The following MEGF11 variants were observed in gnomAD, a reference collection of about 807,000 sequenced individuals.
The protein encoded by MEGF11 is multiple EGF like domains 11, also known as multiple epidermal growth factor-like domains protein 11.
MEGF11 carries 126 observed loss-of-function variants against 146.6 expected under a neutral mutation model. The ratio of observed to expected loss-of-function variants is 0.86; its 90% CI spans 0.74 to 1.00. The LOEUF (loss-of-function observed/expected upper bound fraction) is 1.00. Ranked by LOEUF, MEGF11 falls within the 50% of genes least tolerant of loss-of-function variation. MEGF11 has a pLI of 0.00. For missense variants in MEGF11, 1,509 were observed against 1,521.2 expected, an observed-to-expected ratio of 0.99 and a Z score of 0.13; for synonymous variants, 532 against 583.4, an observed-to-expected ratio of 0.91 and a Z score of 1.27.
At position 65,934,355 on chromosome 15, in the gene MEGF11, G is replaced by A. The variant is rs531289259; in HGVS notation, c.1288-3412C>T. Among the ~76,000 whole-genome samples the A allele has an allele frequency of 3.3e-5, 5 of 152,266 alleles. No individual in the cohort carries two copies. In the South Asian group the frequency reaches 8.3e-4, roughly 25 times the overall value. On this transcript the variant is annotated intron_variant, in intron 10 of 25. Transcript: ENST00000395614. ...CAACCTCCACCTCCCGGGTTCAAGC[G>A]ATTCTCCTGCCTCAGCCTCCTGGTA...
intron 5 of MEGF11, among the ~76,000 whole-genome samples, chr15:66,060,170 GA>G (rs1287872405): frequency 6.6e-6 from 1 of 151,988 alleles, no homozygotes; most frequent in Non-Finnish European, 1.5e-5. Context: ...GAGTGGGGTT[GA>G]CGGCTAAGGA....
chr15:66,239,591 C>T (rs1567295422), intron 1 of MEGF11, among the ~76,000 whole-genome samples: 1 of 152,362 alleles, frequency 6.6e-6, no homozygotes, highest in East Asian at 1.9e-4. Flanking sequence ...TAGGCCACCA[C>T]TACCAGTGGT....
chr15:66,067,058 A>G (rs2140445618), intron 5 of MEGF11, among the ~76,000 whole-genome samples: 1 of 152,324 alleles, frequency 6.6e-6, no homozygotes, highest in African/African-American at 2.4e-5. Context: ...GATCATATTC[A>G]TCCCTAACTC....
intron 1 of MEGF11, among the ~76,000 whole-genome samples, chr15:66,183,157 A>G (rs2090597735): frequency 6.6e-6 from 1 of 152,218 alleles, no homozygotes; most frequent in Non-Finnish European, 1.5e-5. Flanking sequence ...AACATATTCC[A>G]AACACTTCAG....
rs555002356 is a variant in MEGF11, at chr15:66,146,484, C to T, written c.-8-18073G>A. ...GGCCACCGTTTGGATGGGATGGCCT[C>T]ATCATCTGGAACGAGTTGTTTTTCA... On this transcript the variant is annotated intron_variant, in intron 1 of 25. Transcript: ENST00000395614. 2.2e-4 allele frequency among the ~76,000 whole-genome samples: 33 copies of T among 152,382 alleles called. No homozygotes were observed. The South Asian group carries it at 6.6e-3, about 31-fold the overall frequency.
At chr15:66,173,752 C>T (rs1160082470) in intron 1 of MEGF11, among the ~76,000 whole-genome samples, 2 of 152,156 alleles carry the variant, frequency 1.3e-5, no homozygotes, top group East Asian at 1.9e-4. Flanking sequence ...CCGAGCCCTG[C>T]GAGCTGTTCA....
At chr15:65,918,802 G>T (rs2079083666) in intron 15 of MEGF11, among the ~76,000 whole-genome samples, 1 of 152,212 alleles carries the variant, frequency 6.6e-6, no homozygotes, top group South Asian at 2.1e-4. Flanking sequence ...CCTCAGTCAG[G>T]CTGCAAAGCT....
chr15:66,142,033 A>G (rs922793493), intron 1 of MEGF11, among the ~76,000 whole-genome samples: 1 of 152,168 alleles, frequency 6.6e-6, no homozygotes, highest in African/African-American at 2.4e-5. Flanking sequence ...GGGATCAAGA[A>G]TTAAGCACAT....
intron 5 of MEGF11, among the ~76,000 whole-genome samples, chr15:65,995,796 C>T (rs77751535): frequency 0.049 from 7,526 of 152,238 alleles, 245 homozygotes; most frequent in Non-Finnish European, 0.062. Context: ...GAGCAGGGTG[C>T]CCACCAGCTG....
rs2091434548 is a variant in MEGF11 at position 66,211,162 on chromosome 15, A to G, written c.-9+42443T>C. 2.0e-5 allele frequency among the ~76,000 whole-genome samples: 3 copies of G among 152,280 alleles called. No homozygotes were observed. In the South Asian group the frequency reaches 6.2e-4, roughly 32 times the overall value. Reference sequence around the variant, plus strand: ...ACCTCCATTCCCCTGGAGGTATCACATACATATTAACTTGTTTTCTTTGCA... The same window carrying G: ...ACCTCCATTCCCCTGGAGGTATCACGTACATATTAACTTGTTTTCTTTGCA... On this transcript the variant is annotated intron_variant, in intron 1 of 25. Transcript: ENST00000395614.
intron 11 of MEGF11, among the ~76,000 whole-genome samples, chr15:65,930,332 A>G (rs2141302048): frequency 6.6e-6 from 1 of 152,272 alleles, no homozygotes; most frequent in Middle Eastern, 3.4e-3. Flanking sequence ...GCTCCCCCTC[A>G]GCTGGCTCCC....
At chr15:66,001,548 A>T (rs1331583224) in intron 5 of MEGF11, among the ~76,000 whole-genome samples, 2 of 151,690 alleles carry the variant, frequency 1.3e-5, no homozygotes, top group Non-Finnish European at 2.9e-5. Context: ...GCTGAGAAGC[A>T]GCTTCCCTGG....
At chr15:66,082,466 A>T (rs1418654120) in intron 5 of MEGF11, among the ~76,000 whole-genome samples, 2 of 72,638 alleles carry the variant, frequency 2.8e-5, no homozygotes, top group Non-Finnish European at 4.8e-5. Context: ...AAAAAAAAAA[A>T]ATCTATCTAT....
intron 15 of MEGF11, among the ~76,000 whole-genome samples, chr15:65,921,465 C>G (rs1264201023): frequency 6.6e-6 from 1 of 152,230 alleles, no homozygotes; most frequent in Non-Finnish European, 1.5e-5. Flanking sequence ...GCTGCTTCCT[C>G]TACACAGAAT....
intron 1 of MEGF11, among the ~76,000 whole-genome samples, chr15:66,144,094 G>T (rs577420363): frequency 1.8e-4 from 27 of 152,174 alleles, no homozygotes; most frequent in Non-Finnish European, 3.1e-4. Context: ...GGAACATCTC[G>T]TTCCTGCTCC....
intron 1 of MEGF11, among the ~76,000 whole-genome samples, chr15:66,170,949 G>A (rs1031938896): frequency 1.3e-5 from 2 of 152,302 alleles, no homozygotes; most frequent in East Asian, 3.9e-4. Flanking sequence ...CTGCCCCGGG[G>A]GACCACCAAA....
chr15:66,228,254 A>G (rs1054532918), intron 1 of MEGF11, among the ~76,000 whole-genome samples: 17 of 152,082 alleles, frequency 1.1e-4, no homozygotes, highest in Admixed American at 5.2e-4. Flanking sequence ...CACACACAGA[A>G]AGCATTCAAG....
chr15:66,124,986 G>A (rs532935721), intron 2 of MEGF11, among the ~76,000 whole-genome samples: 8 of 152,352 alleles, frequency 5.3e-5, no homozygotes, highest in East Asian at 1.9e-4. Flanking sequence ...CCAGATGGCC[G>A]GGTCCAGGCT....
intron 4 of MEGF11, among the ~76,000 whole-genome samples, chr15:66,096,054 G>A (rs2086539090): frequency 6.6e-6 from 1 of 152,134 alleles, no homozygotes; most frequent in Non-Finnish European, 1.5e-5. Context: ...AGTGCCCCCA[G>A]GACACACCAG....
Sources: allele counts gnomAD v4.1 joint callset (sites outside exome capture counted in the v4.1 genomes callset), GRCh38; gene constraint gnomAD v4.1.1; transcripts MANE v1.5; gene names NCBI Gene and HGNC (gene_info 2026-07-23, HGNC 2026-07-21).